Variants in SPMIP2 observed in about 807,000 individuals in gnomAD.
SPMIP2 encodes sperm microtubule inner protein 2, also known as protein SPMIP2.
At chr4:159,015,065 G>A in the SPMIP2 span, among the ~76,000 whole-genome samples, 2 of 152,238 alleles carry the variant, frequency 1.3e-5, no homozygotes, top group Non-Finnish European at 2.9e-5. Context: ...AATCAGCTTT[G>A]GGGTTTCGTA....
the SPMIP2 span, among the ~76,000 whole-genome samples, chr4:158,998,206 T>C: frequency 6.6e-6 from 1 of 152,154 alleles, no homozygotes; most frequent in Non-Finnish European, 1.5e-5. Context: ...TTAACTTTTT[T>C]CAACCACTTA....
the SPMIP2 span, among the ~76,000 whole-genome samples, chr4:158,956,735 C>T: frequency 6.6e-6 from 1 of 152,002 alleles, no homozygotes; most frequent in African/African-American, 2.4e-5. Flanking sequence ...CTTTACTTCC[C>T]CATCATTATA....
At chr4:159,047,205 A>T in the SPMIP2 span, among the ~76,000 whole-genome samples, 1 of 152,184 alleles carries the variant, frequency 6.6e-6, no homozygotes, top group Non-Finnish European at 1.5e-5. Context: ...TATAGTTTTT[A>T]AAAAAATTAT....
the SPMIP2 span, among the ~76,000 whole-genome samples, chr4:158,932,984 A>G: frequency 6.6e-6 from 1 of 152,318 alleles, no homozygotes; most frequent in Admixed American, 6.5e-5. Context: ...GTTTATTCCC[A>G]GTGGTTTCTT....
At chr4:159,039,188 C>T in the SPMIP2 span, among the ~76,000 whole-genome samples, 10 of 152,146 alleles carry the variant, frequency 6.6e-5, no homozygotes, top group Non-Finnish European at 8.8e-5. Flanking sequence ...ATCCTCCTGA[C>T]TCAGGCTCCC....
At chr4:159,014,442 G>C in the SPMIP2 span, among the ~76,000 whole-genome samples, 1 of 152,174 alleles carries the variant, frequency 6.6e-6, no homozygotes, top group East Asian at 1.9e-4. Context: ...GAAAGGGCAA[G>C]ACTCTGTCTC....
the SPMIP2 span, among the ~76,000 whole-genome samples, chr4:158,915,605 G>A: frequency 2.6e-5 from 4 of 152,282 alleles, no homozygotes; most frequent in East Asian, 7.7e-4. Flanking sequence ...GCTTGTTGAC[G>A]AATGCACTAC....
chr4:159,014,778 C>T, the SPMIP2 span, among the ~76,000 whole-genome samples: 1 of 151,306 alleles, frequency 6.6e-6, no homozygotes, highest in Non-Finnish European at 1.5e-5. Context: ...TCTCAGGCCA[C>T]ACATAAAATA....
At chr4:159,052,826 G>T in the SPMIP2 span, among the ~76,000 whole-genome samples, 1 of 150,586 alleles carries the variant, frequency 6.6e-6, no homozygotes, top group Middle Eastern at 3.2e-3. Flanking sequence ...GTAGAGACGG[G>T]GGTTTCTCCA....
At chr4:158,977,192 C>A in the SPMIP2 span, among the ~76,000 whole-genome samples, 1 of 152,096 alleles carries the variant, frequency 6.6e-6, no homozygotes, top group Admixed American at 6.6e-5. Context: ...CTTTGCACCC[C>A]CCTGGTAGAA....
At chr4:158,955,290 CTG>C in the SPMIP2 span, among the ~76,000 whole-genome samples, 1 of 152,178 alleles carries the variant, frequency 6.6e-6, no homozygotes, top group South Asian at 2.1e-4. Context: ...AGTAAGGACT[CTG>C]TGTACAAATT....
At chr4:159,042,277 C>T in the SPMIP2 span, among the ~76,000 whole-genome samples, 2 of 152,232 alleles carry the variant, frequency 1.3e-5, no homozygotes, top group Non-Finnish European at 2.9e-5. Context: ...CAGATGCCCA[C>T]GCTTCCCTCT....
At chr4:159,052,964 T>A in the SPMIP2 span, among the ~76,000 whole-genome samples, 129 of 139,792 alleles carry the variant, frequency 9.2e-4, no homozygotes, top group African/African-American at 2.2e-3. Context: ...TATTTTTTTT[T>A]TTTTTTTTTT....
the SPMIP2 span, among the ~76,000 whole-genome samples, chr4:158,935,913 C>A: frequency 2.6e-4 from 39 of 152,338 alleles, no homozygotes; most frequent in African/African-American, 9.1e-4. Flanking sequence ...TGAGCTGGGT[C>A]TTTGGTCTTC....
the SPMIP2 span, among the ~76,000 whole-genome samples, chr4:159,013,325 A>G: frequency 6.6e-6 from 1 of 152,208 alleles, no homozygotes; most frequent in Non-Finnish European, 1.5e-5. Context: ...AGAGGTACAG[A>G]GGCAACTCAA....
the SPMIP2 span, among the ~76,000 whole-genome samples, chr4:159,072,688 C>T: frequency 2.6e-5 from 4 of 152,074 alleles, no homozygotes; most frequent in South Asian, 8.3e-4. Context: ...GTCTCAAACT[C>T]CTGGGCTCAT....
At chr4:159,045,903 C>T in the SPMIP2 span, among the ~76,000 whole-genome samples, 1 of 152,074 alleles carries the variant, frequency 6.6e-6, no homozygotes, top group Non-Finnish European at 1.5e-5. Context: ...GGATTTGGTT[C>T]CTTGGAGGGG....
chr4:158,910,199 G>A, the SPMIP2 span, among the ~76,000 whole-genome samples: 85 of 151,666 alleles, frequency 5.6e-4, no homozygotes, highest in Admixed American at 2.6e-3. Flanking sequence ...TTAATGTTAT[G>A]TGTCATCTTG....
chr4:158,927,733 A>T, the SPMIP2 span, among the ~76,000 whole-genome samples: 1 of 152,132 alleles, frequency 6.6e-6, no homozygotes. Flanking sequence ...CGGGCTGCGC[A>T]AGGTGCTTGC....
Sources: gnomAD v4.1 joint callset for allele counts (sites outside exome capture counted in the v4.1 genomes callset) on GRCh38, gnomAD v4.1.1 for gene constraint, MANE v1.5 for transcripts, NCBI Gene and HGNC (gene_info 2026-07-23, HGNC 2026-07-21) for gene names.